Variants in TMEM236 observed in about 807,000 individuals in gnomAD.
TMEM236 encodes transmembrane protein 236.
In TMEM236, 11 loss-of-function variants were observed where a neutral mutation model predicts 14.7. That is an observed-to-expected ratio of 0.75 (90% CI 0.47 to 1.24). The LOEUF is 1.24. TMEM236 is among the 50% of genes most tolerant of loss of function. The pLI, the probability that TMEM236 is intolerant of heterozygous loss-of-function variation, is 0.00. For synonymous variants in TMEM236, 182 were observed against 168.6 expected, an observed-to-expected ratio of 1.08 and a Z score of -0.62; for missense variants, 464 against 427.3, an observed-to-expected ratio of 1.09 and a Z score of -0.76.
chr10:17,773,301 C>G (rs559057383), intron 2 of TMEM236, among the ~76,000 whole-genome samples: 57 of 152,296 alleles, frequency 3.7e-4, no homozygotes, highest in African/African-American at 1.3e-3. Context: ...ATAGAACTCA[C>G]CAGCAGAGAA....
chr10:17,795,556 T>G (rs1339992143), intron 3 of TMEM236, among the ~76,000 whole-genome samples: 6 of 152,174 alleles, frequency 3.9e-5, no homozygotes, highest in Non-Finnish European at 7.3e-5. Context: ...CTTCTCCACC[T>G]CTATGTTTTT....
At chr10:17,794,388 G>A (rs1554836238) in intron 3 of TMEM236, among the ~76,000 whole-genome samples, 1 of 152,102 alleles carries the variant, frequency 6.6e-6, no homozygotes, top group African/African-American at 2.4e-5. Flanking sequence ...AACCAAAATG[G>A]TGTTTTAGTG....
chr10:17,756,789 C>A (rs1837291061), intron 1 of TMEM236, among the ~76,000 whole-genome samples: 1 of 152,134 alleles, frequency 6.6e-6, no homozygotes, highest in African/African-American at 2.4e-5. Flanking sequence ...GACAAGGTCC[C>A]ATTCTCCTGG....
chr10:17,796,533 T>C lies in TMEM236; in HGVS notation c.*29T>C. Reference sequence around the variant, plus strand: ...GGAAATGGGATCTAGTAAGGCCTCTTTGTGATACCTGTGTGCACATTTGTA... The same window carrying C: ...GGAAATGGGATCTAGTAAGGCCTCTCTGTGATACCTGTGTGCACATTTGTA... On this transcript the variant is annotated 3_prime_UTR_variant, in exon 4 of 4. Coordinates refer to ENST00000377495, the MANE Select transcript of TMEM236 (RefSeq NM_001098844.3). 6.5e-7 allele frequency: 1 copy of C among 1,538,018 alleles called. No individual in the cohort carries two copies. Among genetic ancestry groups the C allele is most frequent in the Non-Finnish European group, 9.0e-7 (1 of 1,111,094 alleles).
Position 17,796,733 on chromosome 10 carries a change from G to T in TMEM236, c.*229G>T. On this transcript the variant is annotated 3_prime_UTR_variant, in exon 4 of 4. Transcript: ENST00000377495. ...ATAAGTTGGCTCTCAGGTATTTCTA[G>T]AAAATGTTAGCAGCTAATTTTAGTT... The T allele has an allele frequency of 7.2e-6, 4 of 552,702 alleles. No individual in the cohort carries two copies. The East Asian group carries it at 1.3e-4, about 18-fold the overall frequency. The allele number at this position is 552,702 out of a possible 1,614,324, so 34.2% of individuals were successfully genotyped here.
chr10:17,788,016 T>G (rs1837866553), intron 3 of TMEM236, among the ~76,000 whole-genome samples: 2 of 152,100 alleles, frequency 1.3e-5, no homozygotes, highest in South Asian at 4.1e-4. Context: ...CACCTTGACA[T>G]TCTACCTTAC....
At chr10:17,782,041 A>G (rs1837759940) in intron 3 of TMEM236, among the ~76,000 whole-genome samples, 1 of 152,096 alleles carries the variant, frequency 6.6e-6, no homozygotes, top group African/African-American at 2.4e-5. Context: ...GCTCCCTGGC[A>G]ATCATGACTG....
At chr10:17,762,018 A>G (rs906338919) in intron 1 of TMEM236, among the ~76,000 whole-genome samples, 3 of 152,186 alleles carry the variant, frequency 2.0e-5, no homozygotes, top group South Asian at 2.1e-4. Flanking sequence ...CTCCATGGCC[A>G]GGAGCTGTCA....
At chr10:17,762,604 T>TATATATATATATAC (rs1837386979) in intron 1 of TMEM236, among the ~76,000 whole-genome samples, 1 of 81,734 alleles carries the variant, frequency 1.2e-5, no homozygotes, top group Non-Finnish European at 2.0e-5. Context: ...TATATATATA[T>TATATATATATATAC]ATATATATAT....
At position 17,777,533 on chromosome 10, in the gene TMEM236, A is replaced by T. The variant is rs1034222148; in HGVS notation, c.472+1363A>T. Among the ~76,000 whole-genome samples, 62 of 151,996 alleles carry T rather than the reference A, an allele frequency of 4.1e-4. No homozygotes were observed. In the East Asian group the frequency reaches 0.012, roughly 28 times the overall value. The stretch of plus-strand genomic sequence containing the variant: ...GACCTAGAGTTCTTGAGCTCAGGAG[A>T]TCCTCCTGCATCAGCCTCCTGAGTA... On this transcript the variant is annotated intron_variant, in intron 3 of 3. Transcript: ENST00000377495.
intron 1 of TMEM236, among the ~76,000 whole-genome samples, chr10:17,766,008 T>C (rs1476912564): frequency 6.6e-6 from 1 of 152,230 alleles, no homozygotes; most frequent in Non-Finnish European, 1.5e-5. Context: ...AAGACAGCAG[T>C]ATTTCTGCTG....
chr10:17,788,052 A>G lies in TMEM236; in HGVS notation c.473-7869A>G, dbSNP rs894590017. Among the ~76,000 whole-genome samples the G allele has an allele frequency of 7.1e-3, 1,077 of 151,160 alleles. 6 individuals are homozygous for G. The highest frequency in any genetic ancestry group is 0.011 in the South Asian group (54 of 4,818). ...TATGTATATATTTTTAAACATATTC[A>G]ATGGTATATTATTTTTATATATATT... On this transcript the variant is annotated intron_variant, in intron 3 of 3. Coordinates refer to ENST00000377495, the MANE Select transcript of TMEM236 (RefSeq NM_001098844.3).
chr10:17,774,628 T>C (rs1471480588), intron 2 of TMEM236, among the ~76,000 whole-genome samples: 1 of 151,700 alleles, frequency 6.6e-6, no homozygotes, highest in African/African-American at 2.4e-5. Context: ...TCCAGAAGAG[T>C]AAATCTTCCT....
Position 17,796,602 on chromosome 10 carries a change from G to A in TMEM236, c.*98G>A. 9.2e-7 allele frequency: 1 copy of A among 1,083,488 alleles called. No homozygotes were observed. The highest frequency in any genetic ancestry group is 1.4e-6 in the Non-Finnish European group (1 of 724,352). 67.1% of individuals were successfully genotyped at this position (1,083,488 alleles called of 1,614,324 possible). On this transcript the variant is annotated 3_prime_UTR_variant, in exon 4 of 4. Transcript: ENST00000377495. ...GGGCGTAGGTGTTTGCACTATAAAG[G>A]AAATGACTAGATTGTAGAGAATAAG...
At position 17,796,554 on chromosome 10, in the gene TMEM236, T is replaced by C; in HGVS notation, c.*50T>C. Reference sequence around the variant, plus strand: ...CTCTTTGTGATACCTGTGTGCACATTTGTAATCCTTCTTTTTTTCTTGGGG... The same window carrying C: ...CTCTTTGTGATACCTGTGTGCACATCTGTAATCCTTCTTTTTTTCTTGGGG... On this transcript the variant is annotated 3_prime_UTR_variant, in exon 4 of 4. Transcript: ENST00000377495. 6.8e-7 allele frequency: 1 copy of C among 1,467,132 alleles called. No homozygotes were observed. Among genetic ancestry groups the C allele is most frequent in the Non-Finnish European group, 9.5e-7 (1 of 1,048,142 alleles). 90.9% of individuals were successfully genotyped at this position (1,467,132 alleles called of 1,614,324 possible). A position where few individuals can be genotyped will look rare whatever the true frequency, so the allele number is the denominator to read the frequency against.
In TMEM236 at chr10:17,796,820, T is replaced by G. The variant is rs1554836460; in HGVS notation, c.*316T>G. The G allele has an allele frequency of 2.7e-6, 1 of 366,130 alleles. No homozygotes were observed. Among genetic ancestry groups the G allele is most frequent in the South Asian group, 2.5e-5 (1 of 40,066 alleles). 22.7% of individuals were successfully genotyped at this position (366,130 alleles called of 1,614,324 possible). A position where few individuals can be genotyped will look rare whatever the true frequency, so the allele number is the denominator to read the frequency against. On this transcript the variant is annotated 3_prime_UTR_variant, in exon 4 of 4. Coordinates refer to ENST00000377495, the MANE Select transcript of TMEM236 (RefSeq NM_001098844.3). Reference sequence around the variant, plus strand: ...GGTCCCAGTACTGGTCCGTGATCTGTTAGCAAGCAGACCGCACAGCACGTG... The same window carrying G: ...GGTCCCAGTACTGGTCCGTGATCTGGTAGCAAGCAGACCGCACAGCACGTG...
intron 1 of TMEM236, among the ~76,000 whole-genome samples, chr10:17,756,515 C>T (rs1291589408): frequency 1.3e-5 from 2 of 152,118 alleles, no homozygotes; most frequent in Admixed American, 6.6e-5. Flanking sequence ...AGGCTGGTCT[C>T]GAACTCCTGA....
chr10:17,771,515 A>T, intron 2 of TMEM236, 134 bp downstream of exon 2: 1 of 871,292 alleles, frequency 1.1e-6, no homozygotes, highest in East Asian at 2.5e-5. Context: ...AGGTTGCAAT[A>T]TATGTTATTT....
chr10:17,760,161 T>C (rs1015623630), intron 1 of TMEM236, among the ~76,000 whole-genome samples: 5 of 152,132 alleles, frequency 3.3e-5, no homozygotes, highest in Non-Finnish European at 7.3e-5. Context: ...TGAGAGATCA[T>C]TAATTGGTAA....
Sources: gnomAD v4.1 joint callset for allele counts (sites outside exome capture counted in the v4.1 genomes callset) on GRCh38, gnomAD v4.1.1 for gene constraint, MANE v1.5 for transcripts, NCBI Gene and HGNC (gene_info 2026-07-23, HGNC 2026-07-21) for gene names.